The following GABRB1 variants were observed in gnomAD, a reference collection of about 807,000 sequenced individuals.
GABRB1 encodes gamma-aminobutyric acid receptor subunit beta-1.
In GABRB1, 17 loss-of-function variants were observed where a neutral mutation model predicts 51.6. The observed-to-expected ratio is 0.33, with a 90% CI of 0.23 to 0.49. The LOEUF is 0.49. Ranked by LOEUF, GABRB1 falls within the 20% of genes least tolerant of loss-of-function variation. The pLI is 0.99. For synonymous variants in GABRB1, 247 were observed against 218.9 expected (o/e 1.13, Z -1.14); for missense variants, 410 against 600.6 (o/e 0.68, Z 3.32).
intron 4 of GABRB1, among the ~76,000 whole-genome samples, chr4:47,269,731 A>G (rs1187738540): frequency 6.6e-6 from 1 of 152,042 alleles, no homozygotes; most frequent in African/African-American, 2.4e-5. Flanking sequence ...GTCGGGGATG[A>G]TACACTATGT....
At chr4:47,037,045 G>A (rs546349845) in intron 3 of GABRB1, among the ~76,000 whole-genome samples, 3 of 152,232 alleles carry the variant, frequency 2.0e-5, no homozygotes, top group Admixed American at 2.0e-4. Context: ...GCAGGAGCCT[G>A]GAGATGGGGC....
intron 4 of GABRB1, among the ~76,000 whole-genome samples, chr4:47,257,796 T>C (rs1246881776): frequency 6.6e-6 from 1 of 151,924 alleles, no homozygotes; most frequent in East Asian, 1.9e-4. Context: ...AGTGACCATA[T>C]ATGACACTGA....
intron 5 of GABRB1, among the ~76,000 whole-genome samples, chr4:47,337,642 T>C (rs1344207797): frequency 6.6e-6 from 1 of 151,592 alleles, no homozygotes; most frequent in Non-Finnish European, 1.5e-5. Flanking sequence ...AAACCCCGCC[T>C]CTACTAAAAA....
In GABRB1 at chr4:47,012,884, A is replaced by C. The variant is rs77081594; in HGVS notation, c.-20+18958A>C. On this transcript the variant is annotated intron_variant, in intron 1 of 3. Coordinates refer to the GABRB1 transcript ENST00000513567. Reference sequence around the variant, plus strand: ...TTTTGATCAGAACATGTCACATGGTAATTGGAACCTCAAGGGAAGTATGTC... The same window carrying C: ...TTTTGATCAGAACATGTCACATGGTCATTGGAACCTCAAGGGAAGTATGTC... 9.5e-3 allele frequency among the ~76,000 whole-genome samples: 1,442 copies of C among 152,322 alleles called. 21 individuals carry two copies. The highest frequency in any genetic ancestry group is 0.032 in the African/African-American group (1,329 of 41,570).
At chr4:47,004,109 C>T (rs908507885) in intron 1 of GABRB1, among the ~76,000 whole-genome samples, 1 of 152,088 alleles carries the variant, frequency 6.6e-6, no homozygotes, top group Non-Finnish European at 1.5e-5. Context: ...CTGCCTCAGC[C>T]TCCCGAGTAG....
chr4:47,157,000 T>G (rs966008207), intron 3 of GABRB1, among the ~76,000 whole-genome samples: 1 of 152,046 alleles, frequency 6.6e-6, no homozygotes, highest in African/African-American at 2.4e-5. Context: ...AAAATGTCGT[T>G]TTGGAGTTTC....
intron 5 of GABRB1, among the ~76,000 whole-genome samples, chr4:47,355,012 A>T: frequency 1.8e-5 from 1 of 56,764 alleles, no homozygotes; most frequent in African/African-American, 7.2e-5. Flanking sequence ...TTTTGACAGA[A>T]TCTCTCTCTG....
At chr4:47,347,413 C>G (rs1029287837) in intron 5 of GABRB1, among the ~76,000 whole-genome samples, 2 of 152,058 alleles carry the variant, frequency 1.3e-5, no homozygotes, top group African/African-American at 2.4e-5. Flanking sequence ...AATATAAAAA[C>G]ACTTTCTTGA....
At chr4:47,246,291 T>C (rs190879201) in intron 4 of GABRB1, among the ~76,000 whole-genome samples, 3,798 of 99,766 alleles carry the variant, frequency 0.038, 132 homozygotes, top group Non-Finnish European at 0.058. Context: ...TATATATATA[T>C]ATATATATAC....
intron 1 of GABRB1, among the ~76,000 whole-genome samples, chr4:47,025,142 T>C (rs1422293619): frequency 6.6e-6 from 1 of 150,796 alleles, no homozygotes; most frequent in Non-Finnish European, 1.5e-5. Context: ...TATCCACTCA[T>C]TGATTGATGC....
intron 3 of GABRB1, among the ~76,000 whole-genome samples, chr4:47,086,755 G>A (rs1265591617): frequency 6.6e-6 from 1 of 152,124 alleles, no homozygotes; most frequent in Non-Finnish European, 1.5e-5. Context: ...GAGCCCAAAA[G>A]CATGTCTCAC....
intron 4 of GABRB1, among the ~76,000 whole-genome samples, chr4:47,278,148 T>A (rs1201657633): frequency 6.6e-6 from 1 of 152,188 alleles, no homozygotes; most frequent in Non-Finnish European, 1.5e-5. Flanking sequence ...CTGTTCTTTG[T>A]CTATAAAATG....
At chr4:47,133,515 A>G (rs1716512333) in intron 3 of GABRB1, among the ~76,000 whole-genome samples, 1 of 152,192 alleles carries the variant, frequency 6.6e-6, no homozygotes, top group African/African-American at 2.4e-5. Context: ...TTTATTATTT[A>G]ATTCAGTATC....
intron 4 of GABRB1, among the ~76,000 whole-genome samples, chr4:47,279,083 A>AATGGATGGATGG (rs34567848): frequency 1.2e-3 from 179 of 147,386 alleles, no homozygotes; most frequent in South Asian, 2.5e-3. Context: ...CTTTCTTAGG[A>AATGGATGGATGG]ATGGATGGAT....
upstream of GABRB1, among the ~76,000 whole-genome samples, chr4:47,027,064 A>G (rs999169823): frequency 3.3e-5 from 5 of 151,712 alleles, no homozygotes; most frequent in Non-Finnish European, 4.4e-5. Context: ...GTGCTGATAA[A>G]TAATAAGCCT....
chr4:47,351,334 T>A (rs1047698006), intron 5 of GABRB1, among the ~76,000 whole-genome samples: 3 of 152,120 alleles, frequency 2.0e-5, no homozygotes, highest in Non-Finnish European at 4.4e-5. Context: ...CCAAAAAATA[T>A]CCAATCCAAC....
At chr4:47,383,385 G>A (rs1345301013) in intron 5 of GABRB1, among the ~76,000 whole-genome samples, 3 of 152,122 alleles carry the variant, frequency 2.0e-5, no homozygotes, top group Non-Finnish European at 4.4e-5. Context: ...ATCCACAGAT[G>A]AGAAAGGCAT....
intron 4 of GABRB1, among the ~76,000 whole-genome samples, chr4:47,314,759 T>C (rs934955228): frequency 6.6e-6 from 1 of 152,012 alleles, no homozygotes; most frequent in Non-Finnish European, 1.5e-5. Context: ...AGATTGAAAT[T>C]ACACTCCTTT....
At position 47,302,906 on chromosome 4, in the gene GABRB1, CAGAAATTAACT is replaced by C. The variant is rs1177389613; in HGVS notation, c.462-17219_462-17209del. Among the ~76,000 whole-genome samples, 3 of 151,946 alleles carry C rather than the reference CAGAAATTAACT, an allele frequency of 2.0e-5. No homozygotes were observed. In the East Asian group the frequency reaches 5.8e-4, roughly 29 times the overall value. On this transcript the variant is annotated intron_variant, in intron 4 of 8. Transcript: ENST00000295454. ...TTATTATTCTGAAGTGTAATGGTCA[CAGAAATTAACT>C]ATGTTTAATGTAACCTAGGCAAAGT...
Sources: allele counts gnomAD v4.1 joint callset (sites outside exome capture counted in the v4.1 genomes callset), GRCh38; gene constraint gnomAD v4.1.1; transcripts MANE v1.5; gene names NCBI Gene and HGNC (gene_info 2026-07-23, HGNC 2026-07-21).